The following RASAL2 variants were observed in gnomAD, a reference collection of about 807,000 sequenced individuals.
The protein encoded by RASAL2 is ras GTPase-activating protein nGAP.
RASAL2 carries 58 observed loss-of-function variants against 128.9 expected under a neutral mutation model. The ratio of observed to expected loss-of-function variants is 0.45; its 90% CI spans 0.36 to 0.56. RASAL2 has a LOEUF of 0.56. RASAL2 is among the 20% of genes least tolerant of loss of function. The pLI, the probability that RASAL2 is intolerant of heterozygous loss-of-function variation, is 0.00. For synonymous variants in RASAL2, 561 were observed against 580.8 expected (o/e 0.97, Z 0.49); for missense variants, 1,360 against 1,601.6 (o/e 0.85, Z 2.57).
At chr1:178,266,649 G>C (rs749754143) in intron 1 of RASAL2, among the ~76,000 whole-genome samples, 25 of 152,230 alleles carry the variant, frequency 1.6e-4, no homozygotes, top group Non-Finnish European at 3.4e-4. Flanking sequence ...TACAGAGACA[G>C]AGGGAGGGGG....
intron 1 of RASAL2, among the ~76,000 whole-genome samples, chr1:178,149,390 G>A (rs1660837015): frequency 6.6e-6 from 1 of 151,966 alleles, no homozygotes; most frequent in Non-Finnish European, 1.5e-5. Context: ...TGTACAAATT[G>A]TCAGTATAAA....
intron 1 of RASAL2, among the ~76,000 whole-genome samples, chr1:178,205,869 A>G (rs868621110): frequency 2.0e-5 from 3 of 151,966 alleles, no homozygotes; most frequent in Non-Finnish European, 2.9e-5. Context: ...TGCCACCCAT[A>G]CTTACCATTT....
At chr1:178,214,424 C>G (rs1663357870) in intron 1 of RASAL2, among the ~76,000 whole-genome samples, 1 of 152,078 alleles carries the variant, frequency 6.6e-6, no homozygotes, top group Non-Finnish European at 1.5e-5. Context: ...CTTACTTAAC[C>G]AGGTCATAGA....
chr1:178,259,874 T>A (rs1318296527), intron 1 of RASAL2, among the ~76,000 whole-genome samples: 1 of 152,182 alleles, frequency 6.6e-6, no homozygotes, highest in Non-Finnish European at 1.5e-5. Flanking sequence ...TGTTTTGATA[T>A]CACTAGTGAT....
chr1:178,345,882 C>T, intron 3 of RASAL2, among the ~76,000 whole-genome samples: 1 of 152,128 alleles, frequency 6.6e-6, no homozygotes, highest in East Asian at 1.9e-4. Flanking sequence ...CTCCTGTGTA[C>T]CAAGAGCTCA....
intron 1 of RASAL2, among the ~76,000 whole-genome samples, chr1:178,215,962 C>A (rs1304017260): frequency 6.6e-6 from 1 of 152,164 alleles, no homozygotes; most frequent in Non-Finnish European, 1.5e-5. Flanking sequence ...GTAACTAAAT[C>A]TATTCAGTGG....
At chr1:178,170,582 T>C (rs532077460) in intron 1 of RASAL2, among the ~76,000 whole-genome samples, 68 of 151,766 alleles carry the variant, frequency 4.5e-4, no homozygotes, top group Non-Finnish European at 8.3e-4. Context: ...AATTCTTTGG[T>C]GGTTTTTACT....
At chr1:178,326,191 G>A (rs1387651966) in intron 3 of RASAL2, among the ~76,000 whole-genome samples, 1 of 152,118 alleles carries the variant, frequency 6.6e-6, no homozygotes, top group Non-Finnish European at 1.5e-5. Context: ...TAATTTTGCA[G>A]AATCTCATGT....
At chr1:178,150,306 C>G (rs747077522) in intron 1 of RASAL2, among the ~76,000 whole-genome samples, 1 of 151,974 alleles carries the variant, frequency 6.6e-6, no homozygotes, top group Non-Finnish European at 1.5e-5. Flanking sequence ...GTGATTCTCC[C>G]ACCTTAGCCT....
At chr1:178,454,728 C>T (rs1204036529) in intron 12 of RASAL2, 80 bp downstream of exon 12, 2 of 1,246,214 alleles carry the variant, frequency 1.6e-6, no homozygotes, top group African/African-American at 1.5e-5. Context: ...AGCACTCACT[C>T]TTTCTGCTAA....
chr1:178,415,871 G>GCTAT (rs1674717506), intron 4 of RASAL2, among the ~76,000 whole-genome samples: 1 of 152,122 alleles, frequency 6.6e-6, no homozygotes, highest in Non-Finnish European at 1.5e-5. Flanking sequence ...AATTAATATA[G>GCTAT]CTATGCCTGC....
chr1:178,472,931 A>G (rs1648404222), intron 17 of RASAL2, 144 bp from the exon 18 acceptor site: 2 of 893,044 alleles, frequency 2.2e-6, no homozygotes, highest in African/African-American at 3.4e-5. Flanking sequence ...ACCAGTGTGC[A>G]GAAAGAGGCA....
intron 3 of RASAL2, among the ~76,000 whole-genome samples, chr1:178,352,086 C>G (rs139110177): frequency 1.2e-4 from 18 of 152,280 alleles, no homozygotes; most frequent in Non-Finnish European, 2.6e-4. Flanking sequence ...CTTTGGCCAA[C>G]AACTGTTCCA....
intron 3 of RASAL2, among the ~76,000 whole-genome samples, chr1:178,319,994 G>C (rs1668676756): frequency 6.6e-6 from 1 of 151,518 alleles, no homozygotes; most frequent in South Asian, 2.1e-4. Flanking sequence ...CTTTCTGTTT[G>C]TTAGTTTTCC....
chr1:178,132,528 C>T (rs996444714), intron 1 of RASAL2, among the ~76,000 whole-genome samples: 3 of 151,934 alleles, frequency 2.0e-5, no homozygotes, highest in Non-Finnish European at 4.4e-5. Context: ...CATAAATCAC[C>T]CAGTAATTTA....
chr1:178,285,081 T>TTTTAA (rs928111066), intron 2 of RASAL2, among the ~76,000 whole-genome samples: 2 of 151,558 alleles, frequency 1.3e-5, no homozygotes, highest in Non-Finnish European at 2.9e-5. Flanking sequence ...TCTTCTTGTA[T>TTTTAA]TTTAATAGGC....
rs137991835 is a variant in RASAL2 at position 178,208,620 on chromosome 1, C to T, written c.203-74944C>T. On this transcript the variant is annotated intron_variant, in intron 1 of 17. Transcript: ENST00000367649. ...AGTAGTTCTGCTTTTGCCCTTTGAC[C>T]TGTGATCTTTGTTGGACCCTTATCA... Among the ~76,000 whole-genome samples, 907 of 152,256 alleles carry T rather than the reference C, an allele frequency of 6.0e-3. 8 individuals carry two copies. Among genetic ancestry groups the T allele is most frequent in the African/African-American group, 0.018 (765 of 41,560 alleles).
At chr1:178,387,523 C>A (rs1379605551) in intron 3 of RASAL2, among the ~76,000 whole-genome samples, 1 of 151,940 alleles carries the variant, frequency 6.6e-6, no homozygotes, top group South Asian at 2.1e-4. Context: ...ATCCTTCCCC[C>A]CTCCCCCTAC....
chr1:178,169,183 C>T (rs556682867), intron 1 of RASAL2, among the ~76,000 whole-genome samples: 8 of 152,108 alleles, frequency 5.3e-5, no homozygotes, highest in Admixed American at 2.0e-4. Context: ...ACCTAGTACA[C>T]GAAAAAATAC....
Sources: gnomAD v4.1 joint callset for allele counts (sites outside exome capture counted in the v4.1 genomes callset) on GRCh38, gnomAD v4.1.1 for gene constraint, MANE v1.5 for transcripts, NCBI Gene and HGNC (gene_info 2026-07-23, HGNC 2026-07-21) for gene names.